The following GALNTL6 variants were observed in gnomAD, a reference collection of about 807,000 sequenced individuals.
The protein encoded by GALNTL6 is polypeptide N-acetylgalactosaminyltransferase-like 6.
GALNTL6 carries 46 observed loss-of-function variants against 73.7 expected under a neutral mutation model. The ratio of observed to expected loss-of-function variants is 0.62; its 90% CI spans 0.49 to 0.80. The LOEUF is 0.80. GALNTL6 is among the 30% of genes least tolerant of loss of function. GALNTL6 has a pLI of 0.00. For missense variants in GALNTL6, 604 were observed against 755.0 expected (o/e 0.80, Z 2.34); for synonymous variants, 259 against 263.7 (o/e 0.98, Z 0.17).
chr4:171,971,807 G>T (rs540531317), intron 2 of GALNTL6, among the ~76,000 whole-genome samples: 1 of 152,106 alleles, frequency 6.6e-6, no homozygotes, highest in Non-Finnish European at 1.5e-5. Context: ...TTAGCTAGCT[G>T]CCTTAAATTA....
intron 3 of GALNTL6, among the ~76,000 whole-genome samples, chr4:172,297,472 G>A (rs1170865553): frequency 2.0e-5 from 3 of 151,936 alleles, no homozygotes; most frequent in African/African-American, 4.8e-5. Context: ...TTTCTTCTAG[G>A]GTTTTTATGG....
At chr4:171,966,914 G>A (rs13434620) in intron 2 of GALNTL6, among the ~76,000 whole-genome samples, 3,937 of 151,972 alleles carry the variant, frequency 0.026, 161 homozygotes, top group African/African-American at 0.09. Flanking sequence ...TAAAAAATAA[G>A]CAATCTTGAG....
intron 3 of GALNTL6, among the ~76,000 whole-genome samples, chr4:172,299,043 A>G (rs113644765): frequency 7.2e-5 from 11 of 152,168 alleles, no homozygotes; most frequent in African/African-American, 1.4e-4. Context: ...CTCAATTTCA[A>G]AGCCTGTTAT....
At chr4:172,278,605 G>A (rs1738915841) in intron 3 of GALNTL6, among the ~76,000 whole-genome samples, 1 of 151,912 alleles carries the variant, frequency 6.6e-6, no homozygotes, top group Admixed American at 6.6e-5. Flanking sequence ...CTAAATTTCT[G>A]TTAGAGAAAT....
chr4:172,302,126 C>T (rs967420260), intron 3 of GALNTL6, among the ~76,000 whole-genome samples: 1 of 152,184 alleles, frequency 6.6e-6, no homozygotes, highest in East Asian at 1.9e-4. Flanking sequence ...GACTGCTGTG[C>T]TAGCAATGAG....
chr4:172,386,428 T>C (rs2111293934), intron 5 of GALNTL6, among the ~76,000 whole-genome samples: 1 of 152,210 alleles, frequency 6.6e-6, no homozygotes, highest in Middle Eastern at 3.4e-3. Flanking sequence ...AGCTCTCTCT[T>C]GTCTCTTCAT....
intron 2 of GALNTL6, among the ~76,000 whole-genome samples, chr4:172,189,829 G>A (rs1176144290): frequency 1.3e-5 from 2 of 151,602 alleles, no homozygotes; most frequent in African/African-American, 2.4e-5. Flanking sequence ...TAATAATGAT[G>A]ATAATAATAA....
At chr4:172,949,605 A>G (rs551958666) in intron 9 of GALNTL6, among the ~76,000 whole-genome samples, 27 of 152,222 alleles carry the variant, frequency 1.8e-4, no homozygotes, top group African/African-American at 5.3e-4. Flanking sequence ...TTTTATTCTA[A>G]TCCTCATTAA....
At chr4:172,628,781 T>C (rs779844818) in intron 5 of GALNTL6, among the ~76,000 whole-genome samples, 33 of 152,314 alleles carry the variant, frequency 2.2e-4, no homozygotes, top group Non-Finnish European at 4.0e-4. Flanking sequence ...TAGAAGACTT[T>C]CTTAAAAACA....
intron 5 of GALNTL6, among the ~76,000 whole-genome samples, chr4:172,698,973 C>T (rs1360210024): frequency 6.6e-6 from 1 of 152,058 alleles, no homozygotes. Context: ...TTATAAACAA[C>T]AAAAATTTAT....
At chr4:171,899,149 A>G (rs991975203) in intron 2 of GALNTL6, among the ~76,000 whole-genome samples, 9 of 83,224 alleles carry the variant, frequency 1.1e-4, no homozygotes, top group Non-Finnish European at 2.3e-4. Flanking sequence ...AAATCATTTA[A>G]AGATGAAAAC....
chr4:172,533,949 G>C (rs1241237253), intron 5 of GALNTL6, among the ~76,000 whole-genome samples: 1 of 152,142 alleles, frequency 6.6e-6, no homozygotes, highest in East Asian at 1.9e-4. Flanking sequence ...CTTAATTTGT[G>C]TTCTTCCAGA....
intron 2 of GALNTL6, among the ~76,000 whole-genome samples, chr4:171,900,807 G>A (rs1737068316): frequency 6.6e-6 from 1 of 152,024 alleles, no homozygotes; most frequent in African/African-American, 2.4e-5. Flanking sequence ...CAAAATATAG[G>A]AAGAACCTCT....
intron 5 of GALNTL6, among the ~76,000 whole-genome samples, chr4:172,379,480 A>T (rs1487971843): frequency 7.7e-6 from 1 of 129,588 alleles, no homozygotes. Context: ...CAGTGAGCCG[A>T]GATTGCGCCA....
intron 4 of GALNTL6, among the ~76,000 whole-genome samples, chr4:172,348,188 AAC>A (rs2111214912): frequency 6.6e-6 from 1 of 152,336 alleles, no homozygotes; most frequent in African/African-American, 2.4e-5. Context: ...GCTCCATGGA[AAC>A]AGTTTTAATG....
intron 4 of GALNTL6, among the ~76,000 whole-genome samples, chr4:172,335,087 A>T (rs528731124): frequency 6.6e-6 from 1 of 151,664 alleles, no homozygotes; most frequent in African/African-American, 2.4e-5. Context: ...TTCACACCAT[A>T]CAGGCACCCG....
At chr4:172,031,972 G>A (rs1056228992) in intron 2 of GALNTL6, among the ~76,000 whole-genome samples, 2 of 151,968 alleles carry the variant, frequency 1.3e-5, no homozygotes, top group African/African-American at 4.8e-5. Flanking sequence ...TGCTGGAGAA[G>A]CACCATCTTT....
chr4:172,874,219 C>T (rs906745988), intron 7 of GALNTL6, among the ~76,000 whole-genome samples: 1 of 152,196 alleles, frequency 6.6e-6, no homozygotes, highest in African/African-American at 2.4e-5. Context: ...TGCCATTTCA[C>T]ATCACATTTT....
At chr4:172,525,546 A>C (rs2110829773) in intron 5 of GALNTL6, among the ~76,000 whole-genome samples, 1 of 152,278 alleles carries the variant, frequency 6.6e-6, no homozygotes, top group Non-Finnish European at 1.5e-5. Context: ...GCTTATATCC[A>C]GCATATTACC....
Sources: allele counts gnomAD v4.1 joint callset (sites outside exome capture counted in the v4.1 genomes callset), GRCh38; gene constraint gnomAD v4.1.1; transcripts MANE v1.5; gene names NCBI Gene and HGNC (gene_info 2026-07-23, HGNC 2026-07-21).